Variants in RNF170 observed in about 807,000 individuals in gnomAD.
RNF170 encodes E3 ubiquitin-protein ligase RNF170.
A neutral mutation model predicts 32.7 loss-of-function variants in RNF170; 12 were observed. The observed-to-expected ratio is 0.37, with a 90% confidence interval of 0.24 to 0.60. The LOEUF is 0.60. Ranked by LOEUF, RNF170 falls within the 20% of genes least tolerant of loss-of-function variation. The pLI is 0.72. For synonymous variants in RNF170, 91 were observed against 103.6 expected, an observed-to-expected ratio of 0.88 and a Z score of 0.74; for missense variants, 212 against 311.2, an observed-to-expected ratio of 0.68 and a Z score of 2.40.
chr8:42,864,357 T>TC (rs1164188268), intron 5 of RNF170, among the ~76,000 whole-genome samples: 3 of 152,124 alleles, frequency 2.0e-5, no homozygotes, highest in African/African-American at 7.2e-5. Context: ...TGCCTTGGCC[T>TC]CCCAAAGTGC....
rs573003963 is a variant in RNF170, at chr8:42,853,686, C to G, written c.*2473G>C. On this transcript the variant is annotated 3_prime_UTR_variant, in exon 7 of 7. Transcript: ENST00000527424. ...ATCACGGAAGTATTACTATGATGTT[C>G]AAAACTCTGATTGACTCTACTTGCT... 1 of 1,287,008 alleles carries G rather than the reference C, an allele frequency of 7.8e-7. No individual in the cohort carries two copies. Among genetic ancestry groups the G allele is most frequent in the Non-Finnish European group, 1.0e-6 (1 of 988,616 alleles). 79.7% of individuals were successfully genotyped at this position (1,287,008 alleles called of 1,614,324 possible). A position where few individuals can be genotyped will look rare whatever the true frequency, so the allele number is the denominator to read the frequency against.
intron 2 of RNF170, among the ~76,000 whole-genome samples, chr8:42,877,801 T>C (rs1319793361): frequency 6.6e-6 from 1 of 152,100 alleles, no homozygotes; most frequent in Admixed American, 6.5e-5. Context: ...TCAGAAACTA[T>C]GTATATCAAA....
At chr8:42,892,349 A>G (rs1356934394) in intron 1 of RNF170, among the ~76,000 whole-genome samples, 2 of 152,090 alleles carry the variant, frequency 1.3e-5, no homozygotes, top group Non-Finnish European at 2.9e-5. Flanking sequence ...TATTTTTTGT[A>G]GAGATGGGTT....
intron 5 of RNF170, among the ~76,000 whole-genome samples, chr8:42,862,750 T>C (rs961495916): frequency 6.6e-6 from 1 of 152,110 alleles, no homozygotes; most frequent in African/African-American, 2.4e-5. Context: ...CTTCACAAAT[T>C]TGTTAATAAA....
rs531025857 is a variant in RNF170 at position 42,880,138 on chromosome 8, C to T, written c.138-6132G>A. Among the ~76,000 whole-genome samples the T allele has an allele frequency of 3.9e-5, 6 of 152,282 alleles. No homozygotes were observed. In the South Asian group the frequency reaches 6.2e-4, roughly 16 times the overall value. ...ACAGCAAGGAAACTAGAATTAGAAG[C>T]GGAGGCCGAAGATGTGACCAAACTG... On this transcript the variant is annotated intron_variant, in intron 2 of 6. Transcript: ENST00000527424.
rs779827828 is a variant in RNF170, at chr8:42,887,843, C to G, written c.22G>C (p.Val8Leu). The change falls in exon 2 of 7, where the codon GTT becomes CTT. Residue 8 changes from valine (V) to leucine (L), a missense_variant. Around this residue, in one of 2 missense-constraint regions of RNF170, gnomAD observed 115 missense variants for 132.3 expected, o/e 0.87. Coordinates refer to ENST00000527424, the MANE Select transcript of RNF170 (RefSeq NM_030954.4). ...TCATCATCCAGTTTCAAACTTTGAA[C>G]TTCACCTTGATATTTGGCCATTCCA... is the stretch of plus-strand genomic sequence containing the variant. MAKYQGE[V>L]QSLKLDDDSV... 1 of 1,613,856 alleles carries G rather than the reference C, an allele frequency of 6.2e-7. No homozygotes were observed.
Position 42,854,248 on chromosome 8 carries a change from T to C in RNF170, c.*1911A>G, listed in dbSNP as rs1803073428. 1 of 1,287,106 alleles carries C rather than the reference T, an allele frequency of 7.8e-7. No individual in the cohort carries two copies. The highest frequency in any genetic ancestry group is 1.0e-6 in the Non-Finnish European group (1 of 988,694). 79.7% of individuals were successfully genotyped at this position (1,287,106 alleles called of 1,614,324 possible). On this transcript the variant is annotated 3_prime_UTR_variant, in exon 7 of 7. Coordinates refer to ENST00000527424, the MANE Select transcript of RNF170 (RefSeq NM_030954.4). ...GGAGGTATAATGTAGCACGAAAGAC[T>C]TCCAAAGAACCAGTTTCTCTCTTGC...
upstream of RNF170, chr8:42,897,173 G>C (rs1563284120): frequency 1.6e-6 from 2 of 1,249,122 alleles, no homozygotes; most frequent in Non-Finnish European, 2.0e-6. Context: ...AGCTGTGCGA[G>C]AGCCTCCTCA....
intron 5 of RNF170, among the ~76,000 whole-genome samples, chr8:42,863,980 A>AGAGAGTGTGTGTGT (rs149654513): frequency 1.4e-5 from 2 of 139,512 alleles, no homozygotes; most frequent in African/African-American, 5.4e-5. Flanking sequence ...AGAGAGAGAG[A>AGAGAGTGTGTGTGT]GTGTGTGTGT....
At chr8:42,867,362 T>C (rs1804160870) in intron 4 of RNF170, among the ~76,000 whole-genome samples, 2 of 151,164 alleles carry the variant, frequency 1.3e-5, no homozygotes, top group South Asian at 2.1e-4. Context: ...TCCCAGCTAC[T>C]TGGGAGGTTG....
At chr8:42,894,612 T>G (rs1330268675) in intron 1 of RNF170, among the ~76,000 whole-genome samples, 1 of 152,198 alleles carries the variant, frequency 6.6e-6, no homozygotes, top group Non-Finnish European at 1.5e-5. Flanking sequence ...GTCGTCAGGA[T>G]GGAGTGCAGT....
At chr8:42,880,467 T>C (rs1271816343) in intron 2 of RNF170, among the ~76,000 whole-genome samples, 3 of 152,214 alleles carry the variant, frequency 2.0e-5, no homozygotes, top group Non-Finnish European at 2.9e-5. Context: ...ACTTTATTTG[T>C]TGTCTCATTT....
At chr8:42,850,514 T>C (rs1249135836), downstream of RNF170, 4 of 454,506 alleles carry the variant, frequency 8.8e-6, no homozygotes, top group Non-Finnish European at 1.6e-5. Flanking sequence ...TTGCTTTATT[T>C]ATTAATCTTT....
At chr8:42,872,994 G>A (rs983648891) in intron 3 of RNF170, among the ~76,000 whole-genome samples, 3 of 151,962 alleles carry the variant, frequency 2.0e-5, no homozygotes, top group South Asian at 4.2e-4. Context: ...TCCCAGGCTC[G>A]AGAGATCCTC....
intron 2 of RNF170, among the ~76,000 whole-genome samples, chr8:42,882,788 A>ACAGT (rs1230472473): frequency 6.6e-6 from 1 of 152,144 alleles, no homozygotes; most frequent in African/African-American, 2.4e-5. Context: ...CAGGCCGGGC[A>ACAGT]CAGTGGCTCA....
chr8:42,882,882 C>T (rs896991676), intron 2 of RNF170, among the ~76,000 whole-genome samples: 1 of 151,920 alleles, frequency 6.6e-6, no homozygotes, highest in African/African-American at 2.4e-5. Context: ...GGCAACATGG[C>T]GAAACCTTGT....
At chr8:42,868,830 C>A (rs530266734) in intron 4 of RNF170, among the ~76,000 whole-genome samples, 2 of 142,382 alleles carry the variant, frequency 1.4e-5, no homozygotes, top group Admixed American at 1.5e-4. Flanking sequence ...CCAGTCTGGG[C>A]GACAAGGCGA....
upstream of RNF170, chr8:42,896,923 G>A: frequency 2.7e-6 from 1 of 373,626 alleles, no homozygotes; most frequent in Non-Finnish European, 4.7e-6. Context: ...GTCGCGCGCG[G>A]CTGGCGCGCG....
Position 42,854,872 on chromosome 8 carries a change from G to A in RNF170, c.*1287C>T. 1 of 1,287,208 alleles carries A rather than the reference G, an allele frequency of 7.8e-7. No homozygotes were observed. Among genetic ancestry groups the A allele is most frequent in the Non-Finnish European group, 1.0e-6 (1 of 988,676 alleles). The allele number at this position is 1,287,208 out of a possible 1,614,324, so 79.7% of individuals were successfully genotyped here. A position where few individuals can be genotyped will look rare whatever the true frequency, so the allele number is the denominator to read the frequency against. On this transcript the variant is annotated 3_prime_UTR_variant, in exon 7 of 7. Coordinates refer to ENST00000527424, the MANE Select transcript of RNF170 (RefSeq NM_030954.4). ...TCTTCTCAGATACATTCACTTGTTT[G>A]GCTCAAGACATGAATCTGAGCTGTG... is the stretch of plus-strand genomic sequence containing the variant.
Sources: allele counts gnomAD v4.1 joint callset (sites outside exome capture counted in the v4.1 genomes callset), GRCh38; gene constraint gnomAD v4.1.1; regional missense constraint gnomAD v4.1.1; transcripts MANE v1.5; gene names NCBI Gene and HGNC (gene_info 2026-07-23, HGNC 2026-07-21).